Variants in DLG2 observed in about 807,000 individuals in gnomAD.
DLG2 encodes the protein discs large MAGUK scaffold protein 2, also known as disks large homolog 2.
Under a neutral mutation model 132.5 loss-of-function variants are expected in DLG2, and 45 were observed. The ratio of observed to expected loss-of-function variants is 0.34; its 90% CI spans 0.27 to 0.44. The LOEUF is 0.44. Among genes scored for constraint, DLG2 ranks in the 20% least tolerant of loss-of-function variants. The pLI is 1.00. For synonymous variants in DLG2, 424 were observed against 419.6 expected (o/e 1.01, Z -0.13); for missense variants, 1,045 against 1,196.9 (o/e 0.87, Z 1.87).
intron 6 of DLG2, among the ~76,000 whole-genome samples, chr11:85,033,951 C>A (rs1200755347): frequency 6.6e-6 from 1 of 152,030 alleles, no homozygotes; most frequent in East Asian, 1.9e-4. Context: ...ATACTAATTT[C>A]ATGAGAGATT....
At chr11:85,036,489 C>A (rs557310896) in intron 6 of DLG2, among the ~76,000 whole-genome samples, 94 of 152,188 alleles carry the variant, frequency 6.2e-4, no homozygotes, top group African/African-American at 2.2e-3. Context: ...CAAATAGAAA[C>A]TATTGATAAT....
chr11:84,153,594 C>G (rs2095357539), intron 9 of DLG2, among the ~76,000 whole-genome samples: 1 of 152,134 alleles, frequency 6.6e-6, no homozygotes, highest in African/African-American at 2.4e-5. Context: ...AAAGACCAGT[C>G]TTTCAGCTTG....
At chr11:83,815,869 A>G (rs1413683962) in intron 17 of DLG2, among the ~76,000 whole-genome samples, 2 of 152,292 alleles carry the variant, frequency 1.3e-5, no homozygotes, top group South Asian at 4.1e-4. Context: ...CCTGGAGAAT[A>G]CAAACAAGTA....
At chr11:84,827,825 T>C (rs1373314470) in intron 6 of DLG2, among the ~76,000 whole-genome samples, 1 of 151,608 alleles carries the variant, frequency 6.6e-6, no homozygotes, top group Non-Finnish European at 1.5e-5. Context: ...TGGAGATCAT[T>C]ATATTATATG....
intron 5 of DLG2, 109 bp from the exon 6 acceptor site, chr11:85,111,844 TAGAG>T (rs757849576): frequency 5.1e-6 from 4 of 780,954 alleles, no homozygotes; most frequent in Admixed American, 3.2e-5. Flanking sequence ...TTTATAATCA[TAGAG>T]AGAGAATGCT....
At chr11:84,203,953 A>ATATTTTT (rs1318024564) in intron 8 of DLG2, among the ~76,000 whole-genome samples, 7 of 151,984 alleles carry the variant, frequency 4.6e-5, no homozygotes, top group African/African-American at 2.4e-5. Context: ...TCGGGGAAAA[A>ATATTTTT]TATTTTTTAT....
rs2060938628 is a variant in DLG2, at chr11:84,714,617, T to TCTCTCTCTCTCTCTC, written c.358-179887_358-179886insGAGAGAGAGAGAGAG. Among the ~76,000 whole-genome samples the TCTCTCTCTCTCTCTC allele has an allele frequency of 1.6e-4, 15 of 96,636 alleles. 3 individuals are homozygous for TCTCTCTCTCTCTCTC. The highest frequency in any genetic ancestry group is 6.6e-4 in the African/African-American group (15 of 22,728). The allele number at this position is 96,636 out of a possible 152,430, so 63.4% of individuals were successfully genotyped here. On this transcript the variant is annotated intron_variant, in intron 6 of 27. Coordinates refer to ENST00000376104, the MANE Select transcript of DLG2 (RefSeq NM_001142699.3). ...TCTTTCTTTCTCTTTCTCTTTCTCT[T>TCTCTCTCTCTCTCTC]TCTCTTTCTCTCTCTCTCTCTCTCT...
intron 5 of DLG2, among the ~76,000 whole-genome samples, chr11:85,132,473 T>C (rs2075790565): frequency 6.6e-6 from 1 of 152,030 alleles, no homozygotes; most frequent in Admixed American, 6.6e-5. Flanking sequence ...GATATTTCTA[T>C]TATGAGCTAT....
intron 18 of DLG2, among the ~76,000 whole-genome samples, chr11:83,771,366 C>CT (rs1315779654): frequency 6.6e-6 from 1 of 152,054 alleles, no homozygotes; most frequent in African/African-American, 2.4e-5. Flanking sequence ...ATTTCTTTTT[C>CT]TTTTTTGTAG....
intron 3 of DLG2, among the ~76,000 whole-genome samples, chr11:85,391,098 A>T (rs973746392): frequency 6.6e-6 from 1 of 152,100 alleles, no homozygotes; most frequent in Non-Finnish European, 1.5e-5. Flanking sequence ...GAGGAAAAAC[A>T]GGAGATATTG....
chr11:83,654,108 T>C (rs189359966), intron 18 of DLG2, among the ~76,000 whole-genome samples: 11 of 152,286 alleles, frequency 7.2e-5, no homozygotes, highest in Admixed American at 4.6e-4. Context: ...CCCACCAGTC[T>C]GGAAGTTCTT....
chr11:85,496,774 C>A (rs1316612207), intron 3 of DLG2, among the ~76,000 whole-genome samples: 1 of 152,104 alleles, frequency 6.6e-6, no homozygotes, highest in African/African-American at 2.4e-5. Context: ...CCAGTGATAC[C>A]CAGGCAAACA....
chr11:83,515,956 A>G (rs1592261985), intron 21 of DLG2, among the ~76,000 whole-genome samples: 1 of 152,140 alleles, frequency 6.6e-6, no homozygotes, highest in African/African-American at 2.4e-5. Flanking sequence ...TGTGTGGTCA[A>G]TTTTGGAATA....
intron 3 of DLG2, among the ~76,000 whole-genome samples, chr11:85,464,558 A>T (rs1211309845): frequency 6.6e-6 from 1 of 152,174 alleles, no homozygotes; most frequent in East Asian, 1.9e-4. Context: ...AGATATTTCA[A>T]AAAAACAATC....
intron 3 of DLG2, among the ~76,000 whole-genome samples, chr11:85,591,564 C>A (rs371326702): frequency 1.3e-5 from 2 of 152,180 alleles, no homozygotes; most frequent in Non-Finnish European, 2.9e-5. Context: ...CATGGTGAAA[C>A]CCCGTCTCTA....
intron 16 of DLG2, among the ~76,000 whole-genome samples, chr11:83,837,830 G>T (rs1007929057): frequency 6.7e-6 from 1 of 148,538 alleles, no homozygotes; most frequent in East Asian, 2.0e-4. Context: ...CAACTCTAAA[G>T]TCTTCCTACA....
intron 6 of DLG2, among the ~76,000 whole-genome samples, chr11:84,611,667 T>A (rs1236849599): frequency 6.6e-6 from 1 of 152,118 alleles, no homozygotes; most frequent in Non-Finnish European, 1.5e-5. Flanking sequence ...TACACATAAC[T>A]CCACCTCTTA....
chr11:85,086,197 G>A (rs986677416), intron 6 of DLG2, among the ~76,000 whole-genome samples: 16 of 152,056 alleles, frequency 1.1e-4, no homozygotes, highest in Admixed American at 3.3e-4. Flanking sequence ...AATCAGTAGT[G>A]CCAAGGGTCT....
chr11:84,371,549 C>A (rs889438600), intron 7 of DLG2, among the ~76,000 whole-genome samples: 1 of 152,108 alleles, frequency 6.6e-6, no homozygotes, highest in Admixed American at 6.6e-5. Context: ...CGCCTGGCCA[C>A]AAAATCTTTT....
Sources: gnomAD v4.1 joint callset for allele counts (sites outside exome capture counted in the v4.1 genomes callset) on GRCh38, gnomAD v4.1.1 for gene constraint, MANE v1.5 for transcripts, NCBI Gene and HGNC (gene_info 2026-07-23, HGNC 2026-07-21) for gene names.